GFRA2: variants seen among roughly 807,000 people sequenced by gnomAD.
GFRA2 encodes GDNF family receptor alpha 2.
In GFRA2, 17 loss-of-function variants were observed where a neutral mutation model predicts 48.3. The ratio of observed to expected loss-of-function variants is 0.35; its 90% CI spans 0.24 to 0.53. The LOEUF is 0.53. GFRA2 is among the 20% of genes least tolerant of loss of function. GFRA2 has a pLI of 0.93. For missense variants in GFRA2, 660 were observed against 637.3 expected (o/e 1.04, Z -0.38); for synonymous variants, 305 against 257.2 (o/e 1.19, Z -1.78).
intron 3 of GFRA2, among the ~76,000 whole-genome samples, chr8:21,755,697 T>G (rs556625999): frequency 6.6e-6 from 1 of 152,080 alleles, no homozygotes; most frequent in South Asian, 2.1e-4. Flanking sequence ...ACAGGAGGAC[T>G]CAGAGGAAGT....
At chr8:21,732,400 C>T (rs1255871656) in intron 4 of GFRA2, among the ~76,000 whole-genome samples, 1 of 152,230 alleles carries the variant, frequency 6.6e-6, no homozygotes, top group East Asian at 1.9e-4. Context: ...AGATGCAAGG[C>T]ACTGGCAGCT....
intron 1 of GFRA2, among the ~76,000 whole-genome samples, chr8:21,809,474 G>C (rs563603004): frequency 1.4e-5 from 2 of 141,522 alleles, no homozygotes; most frequent in South Asian, 4.5e-4. Context: ...ACAGGCGCCC[G>C]CCACCATGCC....
intron 3 of GFRA2, chr8:21,769,254 C>CT: frequency 1.4e-6 from 1 of 733,972 alleles, no homozygotes; most frequent in South Asian, 6.2e-5. Context: ...CCCGCCCCAG[C>CT]CCCGCCCCTG....
At chr8:21,763,305 AT>A (rs2117655021) in intron 3 of GFRA2, among the ~76,000 whole-genome samples, 2 of 152,234 alleles carry the variant, frequency 1.3e-5, no homozygotes, top group South Asian at 4.1e-4. Flanking sequence ...CAGCTCATGG[AT>A]GGCTGGGGGC....
chr8:21,780,661 C>G (rs1010551996), intron 2 of GFRA2, among the ~76,000 whole-genome samples: 2 of 152,222 alleles, frequency 1.3e-5, no homozygotes, highest in African/African-American at 4.8e-5. Context: ...GATTCCCCAT[C>G]CCCCTGCCCT....
chr8:21,735,202 ATC>A lies in GFRA2; in HGVS notation c.794+15384_794+15385del, dbSNP rs1320997407. 4.6e-5 allele frequency among the ~76,000 whole-genome samples: 7 copies of A among 152,258 alleles called. No homozygotes were observed. In the East Asian group the frequency reaches 7.7e-4, roughly 17 times the overall value. On this transcript the variant is annotated intron_variant, in intron 4 of 8. Transcript: ENST00000524240. ...AAATAAACTTTCTAAATTGACTGAGATCTGTCTCAAATTTTCAGGGTTCACAA... is the reference window on the plus strand; with the variant it reads ...AAATAAACTTTCTAAATTGACTGAGATGTCTCAAATTTTCAGGGTTCACAA...
intron 7 of GFRA2, among the ~76,000 whole-genome samples, chr8:21,699,317 C>T (rs1021745834): frequency 1.2e-4 from 19 of 152,240 alleles, no homozygotes; most frequent in African/African-American, 4.3e-4. Flanking sequence ...GAGTCGGCTG[C>T]AGGCATGCAG....
At chr8:21,718,125 G>T (rs571980401) in intron 4 of GFRA2, among the ~76,000 whole-genome samples, 24 of 152,184 alleles carry the variant, frequency 1.6e-4, no homozygotes, top group African/African-American at 4.8e-4. Flanking sequence ...ATCTCATCTT[G>T]AATTCCCATA....
At chr8:21,808,516 C>T (rs1359279843) in intron 1 of GFRA2, among the ~76,000 whole-genome samples, 3 of 152,234 alleles carry the variant, frequency 2.0e-5, no homozygotes, top group Non-Finnish European at 4.4e-5. Context: ...CCTTTCACTT[C>T]CGTTAACCCT....
intron 4 of GFRA2, among the ~76,000 whole-genome samples, chr8:21,719,948 G>A (rs1470478412): frequency 6.6e-6 from 1 of 152,134 alleles, no homozygotes; most frequent in African/African-American, 2.4e-5. Context: ...CTTAGTTCTA[G>A]CAGCTCCAGC....
At chr8:21,705,229 A>C in intron 5 of GFRA2, 104 bp from the exon 6 acceptor site, 1 of 1,180,910 alleles carries the variant, frequency 8.5e-7, no homozygotes, top group East Asian at 2.5e-5. Context: ...CGTGGTACCC[A>C]TCCTCTGACC....
intron 4 of GFRA2, among the ~76,000 whole-genome samples, chr8:21,735,892 T>TG (rs1804437327): frequency 6.6e-6 from 1 of 152,154 alleles, no homozygotes; most frequent in African/African-American, 2.4e-5. Context: ...GGGCTGCTCT[T>TG]GAACTCCTGC....
At chr8:21,800,045 G>A (rs1282425913) in intron 2 of GFRA2, among the ~76,000 whole-genome samples, 1 of 152,186 alleles carries the variant, frequency 6.6e-6, no homozygotes, top group Non-Finnish European at 1.5e-5. Context: ...TCCACCAAAT[G>A]AGTCTGCTCT....
rs553176586 is a variant in GFRA2 at position 21,763,192 on chromosome 8, A to G, written c.439+11780T>C. Among the ~76,000 whole-genome samples the G allele has an allele frequency of 7.2e-5, 11 of 152,360 alleles. 1 individual carries two copies. The South Asian group carries it at 2.3e-3, about 32-fold the overall frequency. On this transcript the variant is annotated intron_variant, in intron 3 of 8. Coordinates refer to ENST00000524240, the MANE Select transcript of GFRA2 (RefSeq NM_001495.5). ...CCATTAAATGTGAATTTCTAAAACC[A>G]TGAAAAATAATTCAAAGACTTAGTT...
chr8:21,801,828 G>A (rs1049431270), intron 2 of GFRA2, among the ~76,000 whole-genome samples: 49 of 152,254 alleles, frequency 3.2e-4, no homozygotes, highest in Non-Finnish European at 7.1e-4. Flanking sequence ...CGCAGCCCTC[G>A]CCAAACTGTC....
chr8:21,751,938 A>T (rs936249149), intron 3 of GFRA2, among the ~76,000 whole-genome samples: 6 of 152,166 alleles, frequency 3.9e-5, no homozygotes, highest in African/African-American at 1.4e-4. Flanking sequence ...AATAGCCAAG[A>T]CTGGGCATTC....
intron 4 of GFRA2, among the ~76,000 whole-genome samples, chr8:21,708,669 T>C (rs377014692): frequency 2.0e-5 from 3 of 152,016 alleles, no homozygotes; most frequent in East Asian, 3.9e-4. Context: ...AGAGAAGAGA[T>C]AGGCACACAG....
chr8:21,755,000 T>A (rs1805499528), intron 3 of GFRA2, among the ~76,000 whole-genome samples: 1 of 152,048 alleles, frequency 6.6e-6, no homozygotes, highest in South Asian at 2.1e-4. Context: ...ATTGTAAAGG[T>A]ATGACACTCT....
chr8:21,780,611 C>T (rs2117733162), intron 2 of GFRA2, among the ~76,000 whole-genome samples: 1 of 152,330 alleles, frequency 6.6e-6, no homozygotes, highest in South Asian at 2.1e-4. Flanking sequence ...ACCTGCACAT[C>T]TGCAGGGTGT....
Sources: gnomAD v4.1 joint callset for allele counts (sites outside exome capture counted in the v4.1 genomes callset) on GRCh38, gnomAD v4.1.1 for gene constraint, MANE v1.5 for transcripts, NCBI Gene and HGNC (gene_info 2026-07-23, HGNC 2026-07-21) for gene names.